The following AGBL2 variants were observed in gnomAD, a reference collection of about 807,000 sequenced individuals.
AGBL2 encodes cytosolic carboxypeptidase 2.
A neutral mutation model predicts 103.0 loss-of-function variants in AGBL2; 87 were observed. That is an observed-to-expected ratio of 0.84 (90% CI 0.71 to 1.01). The LOEUF (loss-of-function observed/expected upper bound fraction) is 1.01. AGBL2 is among the 50% of genes least tolerant of loss of function. AGBL2 has a pLI of 0.00. For synonymous variants in AGBL2, 335 were observed against 356.7 expected, an observed-to-expected ratio of 0.94 and a Z score of 0.69; for missense variants, 904 against 1,023.5, an observed-to-expected ratio of 0.88 and a Z score of 1.59.
chr11:47,700,450 G>A (rs2097493810), intron 7 of AGBL2, among the ~76,000 whole-genome samples: 1 of 151,886 alleles, frequency 6.6e-6, no homozygotes, highest in South Asian at 2.1e-4. Flanking sequence ...ATTGTGGCAT[G>A]TGCCTGTAGT....
At chr11:47,693,127 G>GTTTC (rs1302317556) in intron 8 of AGBL2, among the ~76,000 whole-genome samples, 3 of 151,932 alleles carry the variant, frequency 2.0e-5, no homozygotes, top group African/African-American at 7.2e-5. Context: ...GCAGATACCT[G>GTTTC]TTTCTTTCTT....
At position 47,667,606 on chromosome 11, in the gene AGBL2, A is replaced by G; in HGVS notation, c.2305T>C (p.Leu769=). ...TCTGTTAACTTTAACTTCTGCATCA[A>G]ATTTTTTTTCTGATACTGCTCATTT... The part of the protein sequence containing the change: ...QRNEQYQKKN[L]MQKLKLTEDT... Residue 769 remains leucine, a synonymous_variant, in exon 16 of 19, where the codon TTG becomes CTG. Coordinates refer to ENST00000525123, the MANE Select transcript of AGBL2 (RefSeq NM_024783.4). The G allele has an allele frequency of 1.2e-6, 2 of 1,613,944 alleles. No homozygotes were observed. The highest frequency in any genetic ancestry group is 1.7e-6 in the Non-Finnish European group (2 of 1,179,960).
Position 47,664,326 on chromosome 11 carries a change from A to C in AGBL2, c.2449-1214T>G, listed in dbSNP as rs559138908. 2.5e-3 allele frequency among the ~76,000 whole-genome samples: 382 copies of C among 152,048 alleles called. 1 individual carries two copies. The highest frequency in any genetic ancestry group is 4.2e-3 in the Non-Finnish European group (287 of 67,964). ...CAGTGGCAGGATCACAGCTCACTGTAACCTTAAACTCCTGGACTCAAGTGA... is the reference window on the plus strand; with the variant it reads ...CAGTGGCAGGATCACAGCTCACTGTCACCTTAAACTCCTGGACTCAAGTGA... On this transcript the variant is annotated intron_variant, in intron 17 of 18. Coordinates refer to ENST00000525123, the MANE Select transcript of AGBL2 (RefSeq NM_024783.4).
chr11:47,673,574 G>A (rs1289841121), intron 14 of AGBL2, among the ~76,000 whole-genome samples: 7 of 151,308 alleles, frequency 4.6e-5, no homozygotes, highest in Non-Finnish European at 7.4e-5. Flanking sequence ...GCAGTGAGCC[G>A]AGATCGTGCC....
At chr11:47,683,229 C>G (rs913016419) in intron 11 of AGBL2, among the ~76,000 whole-genome samples, 5 of 151,816 alleles carry the variant, frequency 3.3e-5, no homozygotes, top group Non-Finnish European at 7.4e-5. Context: ...AAAAATTAGC[C>G]GGGCATGGCA....
intron 8 of AGBL2, among the ~76,000 whole-genome samples, chr11:47,694,590 C>T (rs2097460023): frequency 6.6e-6 from 1 of 152,128 alleles, no homozygotes; most frequent in African/African-American, 2.4e-5. Context: ...TTTAAATACA[C>T]TTTAAAATTT....
At chr11:47,668,757 G>T in intron 15 of AGBL2, 84 bp downstream of exon 15, 1 of 1,069,216 alleles carries the variant, frequency 9.4e-7, no homozygotes, top group Non-Finnish European at 1.5e-6. Context: ...TCTTAGGACT[G>T]TTGGAAAATT....
chr11:47,671,146 T>C (rs780047380), intron 14 of AGBL2, among the ~76,000 whole-genome samples: 17 of 152,166 alleles, frequency 1.1e-4, no homozygotes, highest in Non-Finnish European at 1.6e-4. Context: ...TGTCACATTA[T>C]ATTTTCCCCT....
chr11:47,669,191 C>T (rs550440354), intron 14 of AGBL2, among the ~76,000 whole-genome samples: 1 of 152,324 alleles, frequency 6.6e-6, no homozygotes, highest in South Asian at 2.1e-4. Flanking sequence ...CCTCAGCCTT[C>T]TGAGCAACTG....
intron 17 of AGBL2, among the ~76,000 whole-genome samples, chr11:47,665,040 CA>C (rs2097337809): frequency 1.3e-5 from 2 of 151,668 alleles, no homozygotes; most frequent in South Asian, 4.2e-4. Flanking sequence ...CGCCACCATG[CA>C]CAGCTCATTT....
chr11:47,691,626 T>A (rs1200025341), intron 9 of AGBL2, among the ~76,000 whole-genome samples: 1 of 144,396 alleles, frequency 6.9e-6, no homozygotes, highest in African/African-American at 2.6e-5. Flanking sequence ...GAGAATGGCA[T>A]GAACCTGGGA....
intron 9 of AGBL2, among the ~76,000 whole-genome samples, chr11:47,691,200 G>C (rs548937375): frequency 6.6e-6 from 1 of 151,858 alleles, no homozygotes; most frequent in Non-Finnish European, 1.5e-5. Flanking sequence ...CGAGGTGTAG[G>C]TTGCAGTGAG....
chr11:47,665,718 T>C (rs891368654), intron 17 of AGBL2, among the ~76,000 whole-genome samples: 13 of 151,948 alleles, frequency 8.6e-5, no homozygotes, highest in African/African-American at 3.1e-4. Context: ...CTTTCCAAAG[T>C]GTTGGGTTTG....
chr11:47,693,571 G>C (rs189955938), intron 8 of AGBL2, among the ~76,000 whole-genome samples: 1 of 152,246 alleles, frequency 6.6e-6, no homozygotes, highest in Admixed American at 6.5e-5. Flanking sequence ...TTCTGTTTTA[G>C]TGACCTATAT....
chr11:47,689,092 T>C (rs2097434973), intron 10 of AGBL2, among the ~76,000 whole-genome samples: 1 of 152,000 alleles, frequency 6.6e-6, no homozygotes, highest in Non-Finnish European at 1.5e-5. Flanking sequence ...TCCTTTAAGG[T>C]GGGTGCTATT....
intron 7 of AGBL2, among the ~76,000 whole-genome samples, chr11:47,702,689 G>A (rs183131343): frequency 2.0e-5 from 3 of 151,824 alleles, no homozygotes; most frequent in African/African-American, 2.4e-5. Flanking sequence ...GCCTGACCAA[G>A]ATGGTGAAAC....
rs1251965970 is a variant in AGBL2, at chr11:47,684,555, C to CA, written c.1788+1337dup. Among the ~76,000 whole-genome samples, 723 of 100,182 alleles carry CA rather than the reference C, an allele frequency of 7.2e-3. 4 individuals are homozygous for CA. Among genetic ancestry groups the CA allele is most frequent in the Middle Eastern group, 0.025 (4 of 162 alleles). The allele number at this position is 100,182 out of a possible 152,430, so 65.7% of individuals were successfully genotyped here. ...TGGGCGACAGAACAAGACTCTGTCT[C>CA]AAAAAAAAAAAATAAGGAGAAGAAA... On this transcript the variant is annotated intron_variant, in intron 11 of 18. Transcript: ENST00000525123.
At position 47,714,476 on chromosome 11, in the gene AGBL2, C is replaced by G. The variant is rs1183401334; in HGVS notation, c.34-129G>C. ...CGAGCTGCATTCCATGCGAATTATT[C>G]TATCGTGGGGATCAAGATCTCCAGC... On this transcript the variant is annotated intron_variant, in intron 2 of 18. Coordinates refer to ENST00000525123, the MANE Select transcript of AGBL2 (RefSeq NM_024783.4). The G allele has an allele frequency of 2.3e-6, 3 of 1,308,508 alleles. No individual in the cohort carries two copies. In the East Asian group the frequency reaches 6.9e-5, roughly 30 times the overall value. The allele number at this position is 1,308,508 out of a possible 1,614,324, so 81.1% of individuals were successfully genotyped here.
At position 47,690,518 on chromosome 11, in the gene AGBL2, G is replaced by A. The variant is rs762278094; in HGVS notation, c.1189C>T (p.Pro397Ser). 1 of 1,614,132 alleles carries A rather than the reference G, an allele frequency of 6.2e-7. No homozygotes were observed. Among genetic ancestry groups the A allele is most frequent in the Non-Finnish European group, 8.5e-7 (1 of 1,180,006 alleles). Reference protein sequence around the residue: ...QDTCFFAHFYPYTYTDLQCYL... With the variant: ...QDTCFFAHFYSYTYTDLQCYL... The stretch of plus-strand genomic sequence containing the variant: ...CATTGCAAATCAGTGTATGTATATG[G>A]GTAGAAGTGTGCAAAGAAGCAAGTG... Residue 397 changes from proline to serine, a missense_variant, in exon 10 of 19, where the codon CCA (proline) becomes TCA (serine). By Grantham distance (74) the Pro-to-Ser change is moderately conservative. Coordinates refer to ENST00000525123, the MANE Select transcript of AGBL2 (RefSeq NM_024783.4).
Sources: allele counts gnomAD v4.1 joint callset (sites outside exome capture counted in the v4.1 genomes callset), GRCh38; gene constraint gnomAD v4.1.1; transcripts MANE v1.5; gene names NCBI Gene and HGNC (gene_info 2026-07-23, HGNC 2026-07-21).